Variants in FNBP1L observed in about 807,000 individuals in gnomAD.
FNBP1L encodes the protein formin binding protein 1 like, also known as formin-binding protein 1-like.
FNBP1L carries 36 observed loss-of-function variants against 91.2 expected under a neutral mutation model. The ratio of observed to expected loss-of-function variants is 0.39; its 90% confidence interval spans 0.30 to 0.52. FNBP1L has a LOEUF of 0.52. FNBP1L is among the 20% of genes least tolerant of loss of function. The pLI is 0.66. For synonymous variants in FNBP1L, 242 were observed against 237.0 expected (o/e 1.02, Z -0.19); for missense variants, 571 against 732.1 (o/e 0.78, Z 2.54).
rs1374292403 is a variant in FNBP1L, at chr1:93,524,404, T to G, written c.405+81T>G. ...AAATACTTTTATGCTTCATATCTAT[T>G]TGAGTTTAATGTTTCTCAGTGTATT... On this transcript the variant is annotated intron_variant, in intron 5 of 16. Coordinates refer to ENST00000271234, the MANE Select transcript of FNBP1L (RefSeq NM_001164473.3). 1.7e-5 allele frequency: 17 copies of G among 982,026 alleles called. No individual in the cohort carries two copies. The East Asian group carries it at 5.2e-4, about 30-fold the overall frequency. The allele number at this position is 982,026 out of a possible 1,614,324, so 60.8% of individuals were successfully genotyped here.
At chr1:93,466,769 T>C (rs1669094933) in intron 1 of FNBP1L, among the ~76,000 whole-genome samples, 1 of 152,166 alleles carries the variant, frequency 6.6e-6, no homozygotes, top group Non-Finnish European at 1.5e-5. Flanking sequence ...GGGGATGGCA[T>C]TGAATCTATA....
At chr1:93,546,487 T>C (rs541642927) in intron 12 of FNBP1L, among the ~76,000 whole-genome samples, 1 of 152,192 alleles carries the variant, frequency 6.6e-6, no homozygotes, top group African/African-American at 2.4e-5. Flanking sequence ...TGTGGCTGAG[T>C]TGGAATATAA....
intron 1 of FNBP1L, among the ~76,000 whole-genome samples, chr1:93,475,102 T>C (rs767074202): frequency 3.3e-5 from 5 of 152,066 alleles, no homozygotes; most frequent in Non-Finnish European, 5.9e-5. Flanking sequence ...TTTCTTGATG[T>C]CTAGAATGAT....
At chr1:93,518,405 G>T (rs552426083) in intron 2 of FNBP1L, among the ~76,000 whole-genome samples, 2 of 152,224 alleles carry the variant, frequency 1.3e-5, no homozygotes, top group South Asian at 4.1e-4. Flanking sequence ...ACAAGACAGG[G>T]CTTCTCTTTG....
chr1:93,548,777 A>C (rs1365041219), intron 14 of FNBP1L, among the ~76,000 whole-genome samples: 1 of 152,160 alleles, frequency 6.6e-6, no homozygotes, highest in East Asian at 1.9e-4. Flanking sequence ...AGTCCCAAGC[A>C]AAAGTTTCTG....
At chr1:93,516,285 C>T (rs74101603) in intron 2 of FNBP1L, among the ~76,000 whole-genome samples, 2 of 152,094 alleles carry the variant, frequency 1.3e-5, no homozygotes, top group African/African-American at 4.8e-5. Flanking sequence ...GAAGGGGGCA[C>T]CCGGATTTGA....
At chr1:93,452,430 G>A (rs2101680043) in intron 1 of FNBP1L, among the ~76,000 whole-genome samples, 1 of 152,292 alleles carries the variant, frequency 6.6e-6, no homozygotes, top group South Asian at 2.1e-4. Flanking sequence ...ATGGTAAAAG[G>A]ATGGGGAAGA....
chr1:93,552,335 T>G, intron 16 of FNBP1L, 74 bp from the exon 17 acceptor site: 1 of 1,547,198 alleles, frequency 6.5e-7, no homozygotes, highest in Non-Finnish European at 8.7e-7. Context: ...ACAGGCACTT[T>G]AAACTGAACA....
Position 93,544,225 on chromosome 1 carries a change from CCTTT to C in FNBP1L, c.1274+10_1274+13del, listed in dbSNP as rs1402768151. 2 of 1,582,842 alleles carry C rather than the reference CCTTT, an allele frequency of 1.3e-6. No homozygotes were observed. Among genetic ancestry groups the C allele is most frequent in the Non-Finnish European group, 1.7e-6 (2 of 1,156,722 alleles). ...AAAGAATCAGACCAAAAGTATTATTCCTTTAAGTTTTCTCTATCATTATTATTTT... is the reference window on the plus strand; with the variant it reads ...AAAGAATCAGACCAAAAGTATTATTCAAGTTTTCTCTATCATTATTATTTT... On this transcript the variant is annotated intron_variant, in intron 12 of 16. Coordinates refer to ENST00000271234, the MANE Select transcript of FNBP1L (RefSeq NM_001164473.3).
At chr1:93,523,572 G>T (rs1671401739) in intron 4 of FNBP1L, 81 bp downstream of exon 4, 1 of 1,313,432 alleles carries the variant, frequency 7.6e-7, no homozygotes, top group South Asian at 1.6e-5. Flanking sequence ...TAAAATGTGT[G>T]TTCAGCATAA....
At chr1:93,510,974 T>A (rs984856322) in intron 2 of FNBP1L, among the ~76,000 whole-genome samples, 1 of 152,104 alleles carries the variant, frequency 6.6e-6, no homozygotes, top group African/African-American at 2.4e-5. Flanking sequence ...CAAATCTATG[T>A]CTGATTGGTG....
intron 2 of FNBP1L, among the ~76,000 whole-genome samples, chr1:93,519,250 A>G (rs1468326276): frequency 6.6e-6 from 1 of 152,116 alleles, no homozygotes; most frequent in East Asian, 1.9e-4. Context: ...TTTTCACGTT[A>G]CTACTTGCAA....
At chr1:93,472,054 A>G (rs1050045919) in intron 1 of FNBP1L, among the ~76,000 whole-genome samples, 1 of 152,234 alleles carries the variant, frequency 6.6e-6, no homozygotes, top group East Asian at 1.9e-4. Flanking sequence ...ATTTAAAGGC[A>G]GTAACAACCA....
chr1:93,457,982 A>G (rs1345439679), intron 1 of FNBP1L, among the ~76,000 whole-genome samples: 1 of 151,844 alleles, frequency 6.6e-6, no homozygotes, highest in African/African-American at 2.4e-5. Context: ...TAGTAGAGAC[A>G]GGGTTTCACC....
intron 1 of FNBP1L, among the ~76,000 whole-genome samples, chr1:93,465,203 G>C (rs1037727028): frequency 6.9e-6 from 1 of 144,628 alleles, no homozygotes. Flanking sequence ...TGGGGGGGGG[G>C]GTTCTTTTTT....
intron 1 of FNBP1L, among the ~76,000 whole-genome samples, chr1:93,460,855 G>T (rs1668835887): frequency 6.6e-6 from 1 of 152,160 alleles, no homozygotes; most frequent in Non-Finnish European, 1.5e-5. Context: ...GAGATCTATT[G>T]TACATCATGC....
At chr1:93,452,704 A>G (rs1266475445) in intron 1 of FNBP1L, among the ~76,000 whole-genome samples, 2 of 152,186 alleles carry the variant, frequency 1.3e-5, no homozygotes, top group South Asian at 2.1e-4. Flanking sequence ...GGGACTGTCT[A>G]TAATATTGAC....
At chr1:93,540,789 A>C (rs1672018867) in intron 10 of FNBP1L, among the ~76,000 whole-genome samples, 1 of 150,818 alleles carries the variant, frequency 6.6e-6, no homozygotes, top group Admixed American at 6.6e-5. Flanking sequence ...TAGAATGTTT[A>C]TTTTTAAGTT....
chr1:93,449,319 G>C (rs1668401357), intron 1 of FNBP1L, among the ~76,000 whole-genome samples: 1 of 152,018 alleles, frequency 6.6e-6, no homozygotes, highest in Non-Finnish European at 1.5e-5. Context: ...GGGAGAACTG[G>C]GGGCGTGGGG....
Sources: gnomAD v4.1 joint callset for allele counts (sites outside exome capture counted in the v4.1 genomes callset) on GRCh38, gnomAD v4.1.1 for gene constraint, MANE v1.5 for transcripts, NCBI Gene and HGNC (gene_info 2026-07-23, HGNC 2026-07-21) for gene names.